NF1: variants seen among roughly 807,000 people sequenced by gnomAD.
NF1 encodes the protein neurofibromin 1, also known as neurofibromin.
Under a neutral mutation model 325.7 loss-of-function variants are expected in NF1, and 122 were observed. The ratio of observed to expected loss-of-function variants is 0.37; its 90% CI spans 0.32 to 0.44. The LOEUF (loss-of-function observed/expected upper bound fraction) is 0.44, where lower values mean the gene tolerates loss of function less well. Among genes scored for constraint, NF1 ranks in the 20% least tolerant of loss-of-function variants. The pLI, the probability that NF1 is intolerant of heterozygous loss-of-function variation, is 1.00. For synonymous variants in NF1, 1,091 were observed against 1,186.0 expected, an observed-to-expected ratio of 0.92 and a Z score of 1.65; for missense variants, 2,140 against 3,415.4, an observed-to-expected ratio of 0.63 and a Z score of 9.31.
intron 57 of NF1, among the ~76,000 whole-genome samples, chr17:31,365,938 T>A (rs2070510119): frequency 1.3e-5 from 2 of 151,020 alleles, no homozygotes. Flanking sequence ...ATTTAATTTT[T>A]TTTTTTTTTT....
At position 31,340,677 on chromosome 17, in the gene NF1, T is replaced by A. The variant is rs1378747529; in HGVS notation, c.7062+32T>A. 2.5e-6 allele frequency: 4 copies of A among 1,608,190 alleles called. No individual in the cohort carries two copies. The African/African-American group carries it at 5.3e-5, about 21-fold the overall frequency. On this transcript the variant is annotated intron_variant, in intron 47 of 57. Transcript: ENST00000358273. ...AAACTTTGCCTTGAGGTTCCTAGAT[T>A]ACTCAAATTTAGTACTCTTCCATCT...
At chr17:31,274,755 GT>G (rs2067971131) in intron 36 of NF1, among the ~76,000 whole-genome samples, 1 of 151,308 alleles carries the variant, frequency 6.6e-6, no homozygotes, top group South Asian at 2.1e-4. Context: ...AATAGTAATA[GT>G]AATAGTAATG....
chr17:31,350,685 T>C (rs1222924471), intron 50 of NF1, among the ~76,000 whole-genome samples: 1 of 152,208 alleles, frequency 6.6e-6, no homozygotes, highest in African/African-American at 2.4e-5. Flanking sequence ...CTATACAGAT[T>C]TGTAAAAATA....
At chr17:31,180,488 CA>C (rs1357459283) in intron 5 of NF1, among the ~76,000 whole-genome samples, 3 of 152,172 alleles carry the variant, frequency 2.0e-5, no homozygotes, top group Non-Finnish European at 4.4e-5. Context: ...GAACCAATGA[CA>C]AAAACCACAT....
At chr17:31,179,010 T>C (rs1250741590) in intron 5 of NF1, among the ~76,000 whole-genome samples, 1 of 152,130 alleles carries the variant, frequency 6.6e-6, no homozygotes, top group Non-Finnish European at 1.5e-5. Flanking sequence ...CTGCACCAAG[T>C]GGACCTAATA....
intron 36 of NF1, among the ~76,000 whole-genome samples, chr17:31,277,480 T>G (rs561452279): frequency 6.6e-6 from 1 of 152,292 alleles, no homozygotes; most frequent in East Asian, 1.9e-4. Context: ...CAGAAATTAG[T>G]TCGTGCTGAC....
intron 36 of NF1, among the ~76,000 whole-genome samples, chr17:31,283,843 T>C (rs1435811632): frequency 2.0e-5 from 3 of 152,178 alleles, no homozygotes; most frequent in Non-Finnish European, 4.4e-5. Flanking sequence ...GAAAAAGACT[T>C]TATTTAATCC....
At chr17:31,321,845 AT>A (rs2069203160) in intron 36 of NF1, 1 of 152,098 alleles carries the variant, frequency 6.6e-6, no homozygotes, top group African/African-American at 2.4e-5. Context: ...CAGTATGCTC[AT>A]TCTATAGGCC....
At chr17:31,322,492 ACT>A (rs2069230269) in intron 36 of NF1, among the ~76,000 whole-genome samples, 3 of 115,060 alleles carry the variant, frequency 2.6e-5, no homozygotes, top group African/African-American at 1.0e-4. Flanking sequence ...ACAGAGTAAG[ACT>A]CTGTCTCAAA....
intron 1 of NF1, among the ~76,000 whole-genome samples, chr17:31,123,235 T>C (rs1299187173): frequency 6.6e-6 from 1 of 152,204 alleles, no homozygotes; most frequent in Non-Finnish European, 1.5e-5. Flanking sequence ...GTTAATATGT[T>C]CTTAAAAATT....
rs62070681 is a variant in NF1, at chr17:31,223,585, T to A, written c.1845+18T>A. 1 of 1,606,410 alleles carries A rather than the reference T, an allele frequency of 6.2e-7. No individual in the cohort carries two copies. Among genetic ancestry groups the A allele is most frequent in the Middle Eastern group, 1.7e-4 (1 of 6,040 alleles). On this transcript the variant is annotated intron_variant, in intron 16 of 57. Transcript: ENST00000358273. ...AAAATAAGGTAAGCAAAATGACATATTTAAAAAATGGAAGAATATTTGGAA... is the reference window on the plus strand; with the variant it reads ...AAAATAAGGTAAGCAAAATGACATAATTAAAAAATGGAAGAATATTTGGAA...
chr17:31,121,014 TTA>T (rs1914379319), intron 1 of NF1, among the ~76,000 whole-genome samples: 1 of 152,206 alleles, frequency 6.6e-6, no homozygotes, highest in African/African-American at 2.4e-5. Context: ...TTTACCACAT[TTA>T]ACCTAGTTAA....
chr17:31,300,495 G>T (rs2068551555), intron 36 of NF1, among the ~76,000 whole-genome samples: 1 of 151,970 alleles, frequency 6.6e-6, no homozygotes, highest in Non-Finnish European at 1.5e-5. Flanking sequence ...ATGATTCACT[G>T]TTTGATCCAT....
chr17:31,293,295 A>G (rs1172408367), intron 36 of NF1, among the ~76,000 whole-genome samples: 1 of 151,606 alleles, frequency 6.6e-6, no homozygotes, highest in Non-Finnish European at 1.5e-5. Flanking sequence ...TATCTAAGCA[A>G]TTAGTCCCTA....
At chr17:31,230,661 A>G (rs1237316822) in intron 23 of NF1, among the ~76,000 whole-genome samples, 181 bp from the exon 24 acceptor site, 1 of 152,154 alleles carries the variant, frequency 6.6e-6, no homozygotes, top group Non-Finnish European at 1.5e-5. Flanking sequence ...ATAAATATCC[A>G]TGTTGCTTGT....
At chr17:31,309,306 GT>G (rs772818525) in intron 36 of NF1, among the ~76,000 whole-genome samples, 6 of 152,118 alleles carry the variant, frequency 3.9e-5, no homozygotes, top group Admixed American at 1.3e-4. Flanking sequence ...TTCCATTTTA[GT>G]TTTTGCTTTT....
At chr17:31,337,613 T>C in intron 43 of NF1, 31 bp downstream of exon 43, 1 of 1,593,604 alleles carries the variant, frequency 6.3e-7, no homozygotes, top group Non-Finnish European at 8.6e-7. Context: ...AGAAACTAAG[T>C]TAAAATCTTT....
At chr17:31,174,661 A>G (rs1340204087) in intron 5 of NF1, among the ~76,000 whole-genome samples, 1 of 152,224 alleles carries the variant, frequency 6.6e-6, no homozygotes, top group Non-Finnish European at 1.5e-5. Flanking sequence ...TTTAAAGCCC[A>G]ATTCAATCAT....
At chr17:31,238,087 A>G (rs1363803532) in intron 29 of NF1, among the ~76,000 whole-genome samples, 1 of 152,208 alleles carries the variant, frequency 6.6e-6, no homozygotes, top group Non-Finnish European at 1.5e-5. Context: ...TGCTGGAGCC[A>G]GTAACTGGTA....
Sources: gnomAD v4.1 joint callset for allele counts (sites outside exome capture counted in the v4.1 genomes callset) on GRCh38, gnomAD v4.1.1 for gene constraint, MANE v1.5 for transcripts, NCBI Gene and HGNC (gene_info 2026-07-23, HGNC 2026-07-21) for gene names.